LRMDA: variants seen among roughly 807,000 people sequenced by gnomAD.
LRMDA encodes leucine rich melanocyte differentiation associated, also known as leucine-rich melanocyte differentiation-associated protein.
In LRMDA, 18 loss-of-function variants were observed where a neutral mutation model predicts 29.8. The ratio of observed to expected loss-of-function variants is 0.60; its 90% CI spans 0.42 to 0.90. LRMDA has a LOEUF of 0.90. Among genes scored for constraint, LRMDA ranks in the 40% least tolerant of loss-of-function variants. The probability of loss-of-function intolerance (pLI) is 0.00; values close to 1 mark genes in which losing one functional copy is unlikely to be tolerated. For synonymous variants in LRMDA, 125 were observed against 109.4 expected (o/e 1.14, Z -0.89); for missense variants, 273 against 273.9 (o/e 1.00, Z 0.02).
chr10:76,093,442 A>G (rs886086380), intron 5 of LRMDA, among the ~76,000 whole-genome samples: 3 of 151,690 alleles, frequency 2.0e-5, no homozygotes, highest in Non-Finnish European at 4.4e-5. Flanking sequence ...TGTCCCTTAT[A>G]TCTCTCTTTC....
At chr10:75,809,523 A>G (rs1351753507) in intron 2 of LRMDA, among the ~76,000 whole-genome samples, 2 of 152,122 alleles carry the variant, frequency 1.3e-5, no homozygotes, top group Non-Finnish European at 2.9e-5. Flanking sequence ...TGCACCTGTA[A>G]TCCCAGCTAC....
At chr10:75,498,031 A>G (rs1205304599) in intron 2 of LRMDA, among the ~76,000 whole-genome samples, 3 of 151,348 alleles carry the variant, frequency 2.0e-5, no homozygotes, top group African/African-American at 4.9e-5. Flanking sequence ...CCAACAAAGT[A>G]TTGAAGTTCT....
chr10:76,460,317 A>G (rs929480460), intron 6 of LRMDA, among the ~76,000 whole-genome samples: 29 of 152,244 alleles, frequency 1.9e-4, no homozygotes, highest in African/African-American at 6.8e-4. Flanking sequence ...CACACCCAGC[A>G]TTTCTAAGTC....
chr10:76,500,422 T>C (rs1377967211), intron 6 of LRMDA, among the ~76,000 whole-genome samples: 1 of 76,108 alleles, frequency 1.3e-5, no homozygotes, highest in African/African-American at 3.2e-5. Context: ...TTCATAATGG[T>C]CCATCTTGTG....
At chr10:76,159,100 T>A (rs1293062760) in intron 5 of LRMDA, among the ~76,000 whole-genome samples, 1 of 152,194 alleles carries the variant, frequency 6.6e-6, no homozygotes, top group East Asian at 1.9e-4. Context: ...TGTTGAACTT[T>A]AAAAACTGAT....
At position 75,540,618 on chromosome 10, in the gene LRMDA, A is replaced by T. The variant is rs145831906; in HGVS notation, c.131+102124A>T. On this transcript the variant is annotated intron_variant, in intron 2 of 6. Coordinates refer to ENST00000611255, the MANE Select transcript of LRMDA (RefSeq NM_001305581.2). The stretch of plus-strand genomic sequence containing the variant: ...CAATATAGGTAAAGTCCCAGTCACC[A>T]GGGGAATTTGAAACTTTCACTCCCC... Among the ~76,000 whole-genome samples the T allele has an allele frequency of 6.1e-3, 923 of 152,300 alleles. 5 individuals carry two copies. The highest frequency in any genetic ancestry group is 0.054 in the Middle Eastern group (16 of 294).
At chr10:76,048,244 A>C (rs1213970841) in intron 4 of LRMDA, among the ~76,000 whole-genome samples, 2 of 152,196 alleles carry the variant, frequency 1.3e-5, no homozygotes, top group Non-Finnish European at 2.9e-5. Context: ...GTACACACAC[A>C]TTCATGCACT....
rs768851729 is a variant in LRMDA at position 75,783,022 on chromosome 10, G to T, written c.132-252986G>T. On this transcript the variant is annotated intron_variant, in intron 2 of 6. Transcript: ENST00000611255. Reference sequence around the variant, plus strand: ...AGCGGCAATCATTCTTCAAATAAAAGGTTAGCCAGACAGGACCCTTAATCA... The same window carrying T: ...AGCGGCAATCATTCTTCAAATAAAATGTTAGCCAGACAGGACCCTTAATCA... 8 of 1,613,944 alleles carry T rather than the reference G, an allele frequency of 5.0e-6. No homozygotes were observed. The East Asian group carries it at 1.8e-4, about 36-fold the overall frequency.
At chr10:76,207,808 A>G (rs1446990415) in intron 5 of LRMDA, among the ~76,000 whole-genome samples, 10 of 152,154 alleles carry the variant, frequency 6.6e-5, no homozygotes, top group Admixed American at 6.5e-4. Flanking sequence ...TACTAAAAAC[A>G]CAAAAGTTAG....
intron 2 of LRMDA, among the ~76,000 whole-genome samples, chr10:75,550,524 C>G (rs1204995250): frequency 1.3e-5 from 2 of 151,922 alleles, no homozygotes; most frequent in African/African-American, 4.8e-5. Context: ...TATTTTTTCA[C>G]TGTTAATATA....
chr10:75,735,695 G>C (rs141199583), intron 2 of LRMDA, among the ~76,000 whole-genome samples: 1 of 152,070 alleles, frequency 6.6e-6, no homozygotes, highest in East Asian at 1.9e-4. Context: ...GAAATGAGTT[G>C]TTCCCACTCA....
At position 75,686,092 on chromosome 10, in the gene LRMDA, G is replaced by T. The variant is rs544993166; in HGVS notation, c.131+247598G>T. On this transcript the variant is annotated intron_variant, in intron 2 of 6. Transcript: ENST00000611255. The stretch of plus-strand genomic sequence containing the variant: ...TTGAACCTGAACAAGCTGGAAAGCT[G>T]CAAAGAAACATTCTCTGCTGAAGGA... Among the ~76,000 whole-genome samples the T allele has an allele frequency of 6.6e-5, 10 of 152,306 alleles. No individual in the cohort carries two copies. In the South Asian group the frequency reaches 1.0e-3, roughly 16 times the overall value.
intron 2 of LRMDA, among the ~76,000 whole-genome samples, chr10:75,570,417 T>G (rs1840424565): frequency 6.6e-6 from 1 of 152,176 alleles, no homozygotes. Context: ...CTTATGAGAT[T>G]CATATTCTTT....
chr10:75,999,387 G>A (rs1203821418), intron 2 of LRMDA, among the ~76,000 whole-genome samples: 1 of 152,186 alleles, frequency 6.6e-6, no homozygotes. Context: ...TCATAATGGA[G>A]GAAGAAAAGG....
At chr10:76,346,607 T>G (rs1841111945) in intron 6 of LRMDA, 1 of 152,166 alleles carries the variant, frequency 6.6e-6, no homozygotes, top group Admixed American at 6.5e-5. Flanking sequence ...GAGGAAGACA[T>G]CAGCATTAAA....
chr10:76,042,033 A>G, intron 3 of LRMDA, among the ~76,000 whole-genome samples: 1 of 152,226 alleles, frequency 6.6e-6, no homozygotes, highest in East Asian at 1.9e-4. Context: ...CATCTTGACA[A>G]AAAAGAAATG....
At chr10:76,530,318 A>G (rs991765350) in intron 6 of LRMDA, among the ~76,000 whole-genome samples, 2 of 152,194 alleles carry the variant, frequency 1.3e-5, no homozygotes, top group African/African-American at 4.8e-5. Context: ...GAGAAAGTAA[A>G]AACTATGGGC....
At chr10:75,562,781 A>C (rs1214286967) in intron 2 of LRMDA, among the ~76,000 whole-genome samples, 1 of 151,844 alleles carries the variant, frequency 6.6e-6, no homozygotes, top group Non-Finnish European at 1.5e-5. Flanking sequence ...TTTCTCCTTC[A>C]CTTGTGAAGC....
At chr10:75,706,369 CA>C (rs2132173471) in intron 2 of LRMDA, among the ~76,000 whole-genome samples, 1 of 152,090 alleles carries the variant, frequency 6.6e-6, no homozygotes, top group South Asian at 2.1e-4. Context: ...GATGAGACAC[CA>C]TTGTTTTGCA....
Sources: allele counts gnomAD v4.1 joint callset (sites outside exome capture counted in the v4.1 genomes callset), GRCh38; gene constraint gnomAD v4.1.1; transcripts MANE v1.5; gene names NCBI Gene and HGNC (gene_info 2026-07-23, HGNC 2026-07-21).